SEC61A2: variants seen among roughly 807,000 people sequenced by gnomAD.
The protein encoded by SEC61A2 is protein transport protein Sec61 subunit alpha isoform 2.
A neutral mutation model predicts 59.9 loss-of-function variants in SEC61A2; 28 were observed. The ratio of observed to expected loss-of-function variants is 0.47; its 90% CI spans 0.35 to 0.64. SEC61A2 has a LOEUF of 0.64. Ranked by LOEUF, SEC61A2 falls within the 30% of genes least tolerant of loss-of-function variation. The pLI is 0.01. For missense variants in SEC61A2, 340 were observed against 585.9 expected (o/e 0.58, Z 4.33); for synonymous variants, 202 against 214.4 (o/e 0.94, Z 0.50).
chr10:12,143,238 A>G lies in SEC61A2; in HGVS notation c.220+43A>G, dbSNP rs1182904983. On this transcript the variant is annotated intron_variant, in intron 4 of 11. Transcript: ENST00000298428. The surrounding 1 kb of genome is among the most constrained non-coding windows in gnomAD (Gnocchi z 4.8). ...GTCTCCACACTCCTACTCACAGCAA[A>G]CAGATGGAAACATGTGGATTAGCAA... is the stretch of plus-strand genomic sequence containing the variant. 3 of 1,321,562 alleles carry G rather than the reference A, an allele frequency of 2.3e-6. No homozygotes were observed. The highest frequency in any genetic ancestry group is 2.3e-5 in the South Asian group (2 of 85,362). 81.9% of individuals were successfully genotyped at this position (1,321,562 alleles called of 1,614,324 possible). A position where few individuals can be genotyped will look rare whatever the true frequency, so the allele number is the denominator to read the frequency against.
Position 12,155,489 on chromosome 10 carries a change from G to T in SEC61A2, c.463-289G>T. The T allele has an allele frequency of 1.3e-6, 1 of 776,300 alleles. No homozygotes were observed. The allele number at this position is 776,300 out of a possible 1,614,324, so 48.1% of individuals were successfully genotyped here. Reference sequence around the variant, plus strand: ...TTTGTTTCAGTGTGCTTTTCAAACAGGCTTTATTTAAACATTGCAAAAGAA... The same window carrying T: ...TTTGTTTCAGTGTGCTTTTCAAACATGCTTTATTTAAACATTGCAAAAGAA... On this transcript the variant is annotated intron_variant, in intron 6 of 11. Coordinates refer to ENST00000298428, the MANE Select transcript of SEC61A2 (RefSeq NM_018144.4). This position sits in a 1 kb window ranked among gnomAD's most constrained non-coding sequence, Gnocchi z 4.3.
rs1349855678 is a variant in SEC61A2, at chr10:12,162,048, T to C, written c.1168-165T>C. Reference sequence around the variant, plus strand: ...TGGGTAACATGGAGCGGAGGAGCACTGAAGCTTTGGTTTCCTCAGGCTTAA... The same window carrying C: ...TGGGTAACATGGAGCGGAGGAGCACCGAAGCTTTGGTTTCCTCAGGCTTAA... On this transcript the variant is annotated intron_variant, in intron 10 of 11. Coordinates refer to ENST00000298428, the MANE Select transcript of SEC61A2 (RefSeq NM_018144.4). This position sits in a 1 kb window ranked among gnomAD's most constrained non-coding sequence, Gnocchi z 6.1. 6.6e-6 allele frequency among the ~76,000 whole-genome samples: 1 copy of C among 152,202 alleles called. No individual in the cohort carries two copies. Among genetic ancestry groups the C allele is most frequent in the Non-Finnish European group, 1.5e-5 (1 of 68,030 alleles).
chr10:12,160,423 TA>T lies in SEC61A2; in HGVS notation c.976-502del, dbSNP rs1834499686. Among the ~76,000 whole-genome samples, 2 of 152,206 alleles carry T rather than the reference TA, an allele frequency of 1.3e-5. No homozygotes were observed. Among genetic ancestry groups the T allele is most frequent in the African/African-American group, 4.8e-5 (2 of 41,456 alleles). ...TTTCTGTAAGATTTAAGTATATAGA[TA>T]AAAATCCAATTATTATATTTATTAA... On this transcript the variant is annotated intron_variant, in intron 9 of 11. Transcript: ENST00000298428. This position sits in a 1 kb window ranked among gnomAD's most constrained non-coding sequence, Gnocchi z 4.1.
At chr10:12,132,130 G>A (rs1048169375) in intron 1 of SEC61A2, among the ~76,000 whole-genome samples, 1 of 149,366 alleles carries the variant, frequency 6.7e-6, no homozygotes, top group Non-Finnish European at 1.5e-5. Flanking sequence ...GTGAAACCCC[G>A]GCTCTACGAA....
Position 12,143,007 on chromosome 10 carries a change from C to T in SEC61A2, c.142-110C>T, listed in dbSNP as rs545936745. On this transcript the variant is annotated intron_variant, in intron 3 of 11. Transcript: ENST00000298428. This position sits in a 1 kb window ranked among gnomAD's most constrained non-coding sequence, Gnocchi z 4.8. ...GTCTCCTGTCACCCAGGCTGGAGTG[C>T]AGTGGCGTGATCTCAGCTCACTGCA... 7.6e-5 allele frequency: 57 copies of T among 753,180 alleles called. 1 individual carries two copies. Among genetic ancestry groups the T allele is most frequent in the South Asian group, 4.5e-4 (30 of 66,104 alleles). The allele number at this position is 753,180 out of a possible 1,614,324, so 46.7% of individuals were successfully genotyped here.
At chr10:12,131,164 C>G (rs1223893620) in intron 1 of SEC61A2, among the ~76,000 whole-genome samples, 2 of 152,194 alleles carry the variant, frequency 1.3e-5, no homozygotes, top group Non-Finnish European at 2.9e-5. Context: ...TAGAGCGAAA[C>G]TCCGTCTCGA....
At chr10:12,134,376 C>G (rs995662018) in intron 2 of SEC61A2, among the ~76,000 whole-genome samples, 5 of 152,098 alleles carry the variant, frequency 3.3e-5, no homozygotes, top group African/African-American at 9.7e-5. Flanking sequence ...CCTGAGAAAC[C>G]CTGGCTTTGC....
Position 12,153,752 on chromosome 10 carries a change from G to A in SEC61A2, c.463-2026G>A. ...GTCTTTTCAAGGCGTTACTAACATT[G>A]AAAATATGTGGATACACTGAAGAGC... On this transcript the variant is annotated intron_variant, in intron 6 of 11. Coordinates refer to ENST00000298428, the MANE Select transcript of SEC61A2 (RefSeq NM_018144.4). This position sits in a 1 kb window ranked among gnomAD's most constrained non-coding sequence, Gnocchi z 5.2. 6.2e-7 allele frequency: 1 copy of A among 1,611,266 alleles called. No individual in the cohort carries two copies. Among genetic ancestry groups the A allele is most frequent in the Non-Finnish European group, 8.5e-7 (1 of 1,179,406 alleles).
chr10:12,134,441 G>GC (rs1040506564), intron 2 of SEC61A2, among the ~76,000 whole-genome samples: 1 of 152,188 alleles, frequency 6.6e-6, no homozygotes, highest in African/African-American at 2.4e-5. Context: ...TTCGCACAGT[G>GC]CAGTGTTCAC....
At chr10:12,166,402 C>T (rs1834694093), downstream of SEC61A2, 1 of 159,448 alleles carries the variant, frequency 6.3e-6, no homozygotes, top group Non-Finnish European at 1.4e-5. Flanking sequence ...GTAGTTGGAT[C>T]TTAATTTTCA....
intron 6 of SEC61A2, among the ~76,000 whole-genome samples, chr10:12,150,867 C>T (rs1201289100): frequency 1.3e-5 from 2 of 151,806 alleles, no homozygotes; most frequent in African/African-American, 2.4e-5. Flanking sequence ...CTCTGTCTCC[C>T]GTGTTCAAGC....
rs775693567 is a variant in SEC61A2, at chr10:12,147,939, CT to C, written c.221-1641del. Among the ~76,000 whole-genome samples the C allele has an allele frequency of 3.2e-3, 458 of 142,260 alleles. 1 individual carries two copies. Among genetic ancestry groups the C allele is most frequent in the Non-Finnish European group, 3.6e-3 (234 of 64,706 alleles). 93.3% of individuals were successfully genotyped at this position (142,260 alleles called of 152,430 possible). A position where few individuals can be genotyped will look rare whatever the true frequency, so the allele number is the denominator to read the frequency against. On this transcript the variant is annotated intron_variant, in intron 4 of 11. Transcript: ENST00000298428. Reference sequence around the variant, plus strand: ...CTAACTTAAGAAATCTATCTAATATCTTTTTTTTTTTTTTTGAGACAGAGTC... The same window carrying C: ...CTAACTTAAGAAATCTATCTAATATCTTTTTTTTTTTTTTGAGACAGAGTC...
chr10:12,144,659 TGA>T (rs1292647503), intron 4 of SEC61A2, among the ~76,000 whole-genome samples: 1 of 151,718 alleles, frequency 6.6e-6, no homozygotes, highest in Non-Finnish European at 1.5e-5. Flanking sequence ...CTGCAGGAAG[TGA>T]GAGAGGAGGC....
chr10:12,139,539 C>T (rs879329040), intron 3 of SEC61A2, among the ~76,000 whole-genome samples: 2 of 151,920 alleles, frequency 1.3e-5, no homozygotes, highest in South Asian at 4.1e-4. Flanking sequence ...AATCCCAGCA[C>T]TTTGGGAGGC....
chr10:12,131,618 A>G (rs1833738987), intron 1 of SEC61A2, among the ~76,000 whole-genome samples: 2 of 142,618 alleles, frequency 1.4e-5, no homozygotes, highest in Middle Eastern at 3.7e-3. Context: ...GTACTTTTCT[A>G]TTACCTGGGA....
intron 3 of SEC61A2, among the ~76,000 whole-genome samples, chr10:12,137,394 C>G (rs942779518): frequency 6.6e-6 from 1 of 152,054 alleles, no homozygotes; most frequent in Non-Finnish European, 1.5e-5. Flanking sequence ...GCCTTGACTT[C>G]CCCAAGCCCG....
Position 12,164,218 on chromosome 10 carries a change from G to C in SEC61A2, c.1245-50G>C, listed in dbSNP as rs202026816. The C allele has an allele frequency of 6.9e-6, 11 of 1,602,318 alleles. No individual in the cohort carries two copies. The East Asian group carries it at 2.0e-4, about 29-fold the overall frequency. On this transcript the variant is annotated intron_variant, in intron 11 of 11. Coordinates refer to ENST00000298428, the MANE Select transcript of SEC61A2 (RefSeq NM_018144.4). The surrounding 1 kb of genome is among the most constrained non-coding windows in gnomAD (Gnocchi z 7.3). The stretch of plus-strand genomic sequence containing the variant: ...CGACCTGTCTTCGTCTCTAGCTGCC[G>C]TGCTGTTCCTGGTCTCTGCTGCCGC...
downstream of SEC61A2, chr10:12,167,917 T>G: frequency 2.0e-6 from 3 of 1,510,880 alleles, no homozygotes; most frequent in Non-Finnish European, 2.6e-6. Context: ...TCACTTCCTA[T>G]GCTAGATGCT....
In SEC61A2 at chr10:12,155,495, A is replaced by T; in HGVS notation, c.463-283A>T. 1 of 738,602 alleles carries T rather than the reference A, an allele frequency of 1.4e-6. No individual in the cohort carries two copies. Among genetic ancestry groups the T allele is most frequent in the Non-Finnish European group, 2.1e-6 (1 of 471,908 alleles). 45.8% of individuals were successfully genotyped at this position (738,602 alleles called of 1,614,324 possible). On this transcript the variant is annotated intron_variant, in intron 6 of 11. Coordinates refer to ENST00000298428, the MANE Select transcript of SEC61A2 (RefSeq NM_018144.4). The surrounding 1 kb of genome is among the most constrained non-coding windows in gnomAD (Gnocchi z 4.3). ...TCAGTGTGCTTTTCAAACAGGCTTT[A>T]TTTAAACATTGCAAAAGAAACTATT...
Sources: gnomAD v4.1 joint callset for allele counts (sites outside exome capture counted in the v4.1 genomes callset) on GRCh38, gnomAD v4.1.1 for gene constraint, Gnocchi (gnomAD v3.1) non-coding constraint, MANE v1.5 for transcripts, NCBI Gene and HGNC (gene_info 2026-07-23, HGNC 2026-07-21) for gene names.